MEGF8: variants seen among roughly 807,000 people sequenced by gnomAD.
MEGF8 encodes multiple EGF like domains 8.
Under a neutral mutation model 302.9 loss-of-function variants are expected in MEGF8, and 156 were observed. That is an observed-to-expected ratio of 0.52 (90% confidence interval 0.45 to 0.59). MEGF8 has a LOEUF of 0.59. Among genes scored for constraint, MEGF8 ranks in the 20% least tolerant of loss-of-function variants. MEGF8 has a pLI of 0.00. For missense variants in MEGF8, 3,345 were observed against 3,964.5 expected, an observed-to-expected ratio of 0.84 and a Z score of 4.20; for synonymous variants, 1,621 against 1,660.5, an observed-to-expected ratio of 0.98 and a Z score of 0.58.
In MEGF8 at chr19:42,356,491, G is replaced by A; in HGVS notation, c.4622+38G>A. 6.7e-7 allele frequency: 1 copy of A among 1,488,320 alleles called. No homozygotes were observed. The allele number at this position is 1,488,320 out of a possible 1,614,324, so 92.2% of individuals were successfully genotyped here. ...CTGGGCAGGTGGGATTCGCAAATAA[G>A]AGAAGGTCACCTCGGGATGCTAAGA... On this transcript the variant is annotated intron_variant, in intron 26 of 41. Coordinates refer to ENST00000251268, the MANE Select transcript of MEGF8 (RefSeq NM_001271938.2). The surrounding 1 kb of genome is among the most constrained non-coding windows in gnomAD (Gnocchi z 5.2).
intron 8 of MEGF8, among the ~76,000 whole-genome samples, chr19:42,338,542 C>T (rs1299824499): frequency 6.6e-6 from 1 of 152,076 alleles, no homozygotes; most frequent in East Asian, 1.9e-4. Flanking sequence ...GTGCCCAGCC[C>T]CAGTAGGTAG....
chr19:42,357,408 C>A lies in MEGF8; in HGVS notation c.4835C>A (p.Pro1612His), dbSNP rs138397020. The change falls in exon 28 of 42, where the codon CCC becomes CAC. Residue 1612 changes from proline to histidine, a missense_variant. Physicochemically the swap from Pro to His is moderately conservative, Grantham distance 77 (BLOSUM62 -2). Transcript: ENST00000251268. This position sits in a 1 kb window ranked among gnomAD's most constrained non-coding sequence, Gnocchi z 5.2. Reference sequence around the variant, plus strand: ...CCTTGCCCCTCCATCCCTCAGGCCCCCCAGACCGTGGAGCTGCCAGCCGTT... The same window carrying A: ...CCTTGCCCCTCCATCCCTCAGGCCCACCAGACCGTGGAGCTGCCAGCCGTT... ...TTLQWRQEKA[P>H]QTVELPAVAG... 6.2e-7 allele frequency: 1 copy of A among 1,613,082 alleles called. No homozygotes were observed. The highest frequency in any genetic ancestry group is 1.3e-5 in the African/African-American group (1 of 75,022).
intron 15 of MEGF8, 96 bp downstream of exon 15, chr19:42,350,480 A>C: frequency 9.5e-6 from 11 of 1,162,864 alleles, no homozygotes; most frequent in Non-Finnish European, 1.3e-5. Context: ...TGTGGGGGAA[A>C]CAGCAAGGGC....
At chr19:42,328,748 C>T (rs1185830092) in intron 1 of MEGF8, among the ~76,000 whole-genome samples, 1 of 151,954 alleles carries the variant, frequency 6.6e-6, no homozygotes. Context: ...CCAGCCTGGC[C>T]GACATGAAGA....
chr19:42,353,655 A>G lies in MEGF8; in HGVS notation c.3741A>G (p.Pro1247=). ...TEGAHCQLCS[P]GYYGDPRAGG... ...GTGCCCACTGCCAGCTCTGCTCCCC[A>G]GGCTATTATGGGGATCCCCGGTGAG... is the stretch of plus-strand genomic sequence containing the variant. The change falls in exon 21 of 42, where the codon CCA becomes CCG. Residue 1247 remains proline (P), a synonymous_variant. Transcript: ENST00000251268. This position sits in a 1 kb window ranked among gnomAD's most constrained non-coding sequence, Gnocchi z 6.1. 1 of 1,579,932 alleles carries G rather than the reference A, an allele frequency of 6.3e-7. No individual in the cohort carries two copies. Among genetic ancestry groups the G allele is most frequent in the Non-Finnish European group, 8.6e-7 (1 of 1,160,280 alleles).
At chr19:42,355,607 A>AC in intron 23 of MEGF8, 151 bp from the exon 24 acceptor site, 6 of 1,138,588 alleles carry the variant, frequency 5.3e-6, no homozygotes, top group Non-Finnish European at 7.2e-6. Flanking sequence ...TGGCTGAGGG[A>AC]GGGGGTGCAG....
chr19:42,355,803 G>A lies in MEGF8; in HGVS notation c.4190G>A (p.Gly1397Asp). 1 of 1,578,146 alleles carries A rather than the reference G, an allele frequency of 6.3e-7. No homozygotes were observed. The highest frequency in any genetic ancestry group is 8.6e-7 in the Non-Finnish European group (1 of 1,161,490). ...HWEANGSSSW[G>D]FNASVGSARC... is the part of the protein sequence containing the mutation. ...GAGGCCAATGGCTCCTCATCCTGGG[G>A]CTTCAATGCTTCGGTGGGCTCTGCC... Residue 1397 changes from glycine to aspartate, a missense_variant, in exon 24 of 42, where the codon GGC (glycine) becomes GAC (aspartate). By Grantham distance (94) the Gly-to-Asp change is moderately conservative (BLOSUM62 -1). Coordinates refer to ENST00000251268, the MANE Select transcript of MEGF8 (RefSeq NM_001271938.2).
At position 42,336,586 on chromosome 19, in the gene MEGF8, C is replaced by G. The variant is rs2039131633; in HGVS notation, c.1245-221C>G. Among the ~76,000 whole-genome samples, 1 of 152,202 alleles carries G rather than the reference C, an allele frequency of 6.6e-6. No individual in the cohort carries two copies. On this transcript the variant is annotated intron_variant, in intron 6 of 41. Transcript: ENST00000251268. The surrounding 1 kb of genome is among the most constrained non-coding windows in gnomAD (Gnocchi z 4.8). ...CTTCCACACACTCCCACCCATGTATCTATTCAACAGAGCCCTGCTTGGTGT... is the reference window on the plus strand; with the variant it reads ...CTTCCACACACTCCCACCCATGTATGTATTCAACAGAGCCCTGCTTGGTGT...
chr19:42,327,159 A>T (rs2038995739), intron 1 of MEGF8, among the ~76,000 whole-genome samples: 1 of 152,256 alleles, frequency 6.6e-6, no homozygotes, highest in South Asian at 2.1e-4. Context: ...TGTGGCATAT[A>T]GTAACTGTTC....
intron 41 of MEGF8, among the ~76,000 whole-genome samples, chr19:42,373,586 G>A (rs1028290380): frequency 6.6e-6 from 1 of 151,474 alleles, no homozygotes; most frequent in African/African-American, 2.4e-5. Flanking sequence ...TTAGAGATGG[G>A]GTTTTAACCA....
intron 35 of MEGF8, among the ~76,000 whole-genome samples, chr19:42,367,497 C>A (rs1345592742): frequency 6.6e-6 from 1 of 152,120 alleles, no homozygotes; most frequent in Admixed American, 6.5e-5. Context: ...ACCATGTTAG[C>A]CAGGATGGTG....
Position 42,344,158 on chromosome 19 carries a change from C to T in MEGF8, c.1788+85C>T. 6.7e-7 allele frequency: 1 copy of T among 1,501,016 alleles called. No homozygotes were observed. Among genetic ancestry groups the T allele is most frequent in the South Asian group, 1.2e-5 (1 of 80,354 alleles). 93.0% of individuals were successfully genotyped at this position (1,501,016 alleles called of 1,614,324 possible). On this transcript the variant is annotated intron_variant, in intron 10 of 41. Transcript: ENST00000251268. This position sits in a 1 kb window ranked among gnomAD's most constrained non-coding sequence, Gnocchi z 4.5. ...CTCTGCCTAACCAGATGGACAAGAA[C>T]TTTCCCTCAACTGGGAGACTTGTTT...
Position 42,371,463 on chromosome 19 carries a change from G to A in MEGF8, c.7250G>A (p.Arg2417Gln), listed in dbSNP as rs777998313. 13 of 1,613,854 alleles carry A rather than the reference G, an allele frequency of 8.1e-6. No homozygotes were observed. The highest frequency in any genetic ancestry group is 1.0e-5 in the Non-Finnish European group (12 of 1,179,874). Residue 2417 changes from arginine to glutamine, a missense_variant, in exon 41 of 42, where the codon CGA becomes CAA. By Grantham distance (43) the Arg-to-Gln change is conservative. Coordinates refer to ENST00000251268, the MANE Select transcript of MEGF8 (RefSeq NM_001271938.2). ...CAGGGCAGCTCCCCCAGTGACCGTC[G>A]AGACTGCTACAAGTACCAGGTGCGG... is the stretch of plus-strand genomic sequence containing the variant. ...TCQGSSPSDR[R>Q]DCYKYQCAKC...
Position 42,375,767 on chromosome 19 carries a change from CTT to C in MEGF8, c.7531_7532del (p.Phe2511ArgfsTer7). On this transcript the variant is annotated frameshift_variant, in exon 42 of 42. Coordinates refer to ENST00000251268, the MANE Select transcript of MEGF8 (RefSeq NM_001271938.2). LOFTEE classifies it high-confidence loss of function. This position sits in a 1 kb window ranked among gnomAD's most constrained non-coding sequence, Gnocchi z 7.1. ...DLYVSTSYDT[F>X]VVRVAPDTGV... The stretch of plus-strand genomic sequence containing the variant: ...TCTATGTCTCCACCTCCTATGACAC[CTT>C]CGTGGTCCGTGTGGCCCCTGACACT... 1 of 1,613,068 alleles carries C rather than the reference CTT, an allele frequency of 6.2e-7. No individual in the cohort carries two copies. The highest frequency in any genetic ancestry group is 8.5e-7 in the Non-Finnish European group (1 of 1,179,814).
intron 8 of MEGF8, among the ~76,000 whole-genome samples, chr19:42,340,066 CA>C (rs933249076): frequency 6.6e-6 from 1 of 151,904 alleles, no homozygotes; most frequent in Non-Finnish European, 1.5e-5. Flanking sequence ...CCCAAAAAAA[CA>C]AAAACAAAAA....
In MEGF8 at chr19:42,375,949, C is replaced by T. The variant is rs754666792; in HGVS notation, c.7712C>T (p.Pro2571Leu). The T allele has an allele frequency of 8.1e-6, 13 of 1,605,404 alleles. No homozygotes were observed. The South Asian group carries it at 1.0e-4, about 12-fold the overall frequency. ...GAGCCACGGGTACGGGAGGTATGGC[C>T]GCGGGGCCTGATTACCTACGTGACG... ...PAEPRVREVW[P>L]RGLITYVTVT... The change falls in exon 42 of 42, where the codon CCG (proline) becomes CTG (leucine). Residue 2571 changes from proline to leucine, a missense_variant. By Grantham distance (98) the Pro-to-Leu change is moderately conservative. Coordinates refer to ENST00000251268, the MANE Select transcript of MEGF8 (RefSeq NM_001271938.2). The surrounding 1 kb of genome is among the most constrained non-coding windows in gnomAD (Gnocchi z 7.1).
Position 42,336,316 on chromosome 19 carries a change from T to C in MEGF8, c.1214T>C (p.Val405Ala), listed in dbSNP as rs1357365314. 15 of 1,605,038 alleles carry C rather than the reference T, an allele frequency of 9.3e-6. No homozygotes were observed. Among genetic ancestry groups the C allele is most frequent in the African/African-American group, 1.3e-5 (1 of 74,872 alleles). The change falls in exon 6 of 42, where the codon GTC becomes GCC. Residue 405 changes from valine (V) to alanine (A), a missense_variant. Transcript: ENST00000251268. This position sits in a 1 kb window ranked among gnomAD's most constrained non-coding sequence, Gnocchi z 4.8. ...VFHAPSRALL[V>A]HGGHRPSTAR... ...CATGCCCCCTCCCGTGCCCTGCTGG[T>C]CCATGGTGGACACCGGCCCTCCACT... is the stretch of plus-strand genomic sequence containing the variant.
chr19:42,360,369 A>C, intron 31 of MEGF8, among the ~76,000 whole-genome samples: 1 of 134,800 alleles, frequency 7.4e-6, no homozygotes, highest in South Asian at 2.3e-4. Flanking sequence ...TTTTGGAGAC[A>C]TGGTCTTGTT....
intron 35 of MEGF8, among the ~76,000 whole-genome samples, chr19:42,364,533 A>G (rs2039577846): frequency 6.6e-6 from 1 of 152,202 alleles, no homozygotes; most frequent in Non-Finnish European, 1.5e-5. Context: ...GAGGTGGACT[A>G]AAGAAACCAA....
Sources: allele counts gnomAD v4.1 joint callset (sites outside exome capture counted in the v4.1 genomes callset), GRCh38; gene constraint gnomAD v4.1.1; non-coding constraint Gnocchi (gnomAD v3.1); transcripts MANE v1.5; gene names NCBI Gene and HGNC (gene_info 2026-07-23, HGNC 2026-07-21).